Variants in SNX29 observed in about 807,000 individuals in gnomAD.
The protein encoded by SNX29 is sorting nexin-29.
In SNX29, 78 loss-of-function variants were observed where a neutral mutation model predicts 102.1. That is an observed-to-expected ratio of 0.76 (90% CI 0.64 to 0.92). SNX29 has a LOEUF of 0.92. Among genes scored for constraint, SNX29 ranks in the 40% least tolerant of loss-of-function variants. The pLI is 0.00. For synonymous variants in SNX29, 580 were observed against 414.5 expected, an observed-to-expected ratio of 1.40 and a Z score of -4.85; for missense variants, 1,280 against 1,061.7, an observed-to-expected ratio of 1.21 and a Z score of -2.86.
At chr16:12,100,727 A>G (rs2052975705) in intron 11 of SNX29, among the ~76,000 whole-genome samples, 1 of 71,198 alleles carries the variant, frequency 1.4e-5, no homozygotes, top group Non-Finnish European at 2.6e-5. Flanking sequence ...GAGGCAGAGA[A>G]GTTGGGGATG....
intron 4 of SNX29, among the ~76,000 whole-genome samples, chr16:12,037,960 C>T (rs1346593740): frequency 8.4e-5 from 12 of 142,798 alleles, no homozygotes; most frequent in African/African-American, 2.5e-4. Flanking sequence ...GTCCCCACCC[C>T]GCCCCTCAAA....
intron 17 of SNX29, among the ~76,000 whole-genome samples, chr16:12,399,254 G>A (rs143728998): frequency 2.6e-5 from 4 of 152,138 alleles, no homozygotes. Flanking sequence ...GTTTCTTCCT[G>A]TTGACCAGGC....
chr16:12,316,725 C>G (rs1332059702), intron 15 of SNX29, among the ~76,000 whole-genome samples: 2 of 152,146 alleles, frequency 1.3e-5, no homozygotes, highest in East Asian at 1.9e-4. Flanking sequence ...TCCTTCTCTC[C>G]CATCCCTCCT....
chr16:12,569,200 C>A lies in SNX29; in HGVS notation c.*571C>A. On this transcript the variant is annotated 3_prime_UTR_variant, in exon 21 of 21. Transcript: ENST00000566228. ...AGTCATTAGACACCTGGCACTGTCACAGCTCACTTTTCCAGAGGGATATTC... is the reference window on the plus strand; with the variant it reads ...AGTCATTAGACACCTGGCACTGTCAAAGCTCACTTTTCCAGAGGGATATTC... 4.6e-6 allele frequency: 1 copy of A among 218,068 alleles called. No individual in the cohort carries two copies. Among genetic ancestry groups the A allele is most frequent in the Middle Eastern group, 1.4e-3 (1 of 706 alleles). 13.5% of individuals were successfully genotyped at this position (218,068 alleles called of 1,614,324 possible).
intron 13 of SNX29, among the ~76,000 whole-genome samples, chr16:12,189,635 T>C (rs2076594106): frequency 1.3e-5 from 2 of 152,196 alleles, no homozygotes; most frequent in African/African-American, 4.8e-5. Flanking sequence ...CCCTTTACAA[T>C]TAATACATAT....
chr16:12,560,412 T>A (rs942587834), intron 20 of SNX29, among the ~76,000 whole-genome samples: 2 of 152,188 alleles, frequency 1.3e-5, no homozygotes, highest in Non-Finnish European at 2.9e-5. Context: ...AAAGCCACAG[T>A]GTCTGTCCTG....
At chr16:12,035,460 C>T (rs2057449044) in intron 4 of SNX29, among the ~76,000 whole-genome samples, 1 of 152,128 alleles carries the variant, frequency 6.6e-6, no homozygotes, top group Non-Finnish European at 1.5e-5. Flanking sequence ...AGCCCTGGTT[C>T]TGGAAGGCAC....
chr16:12,041,348 A>G (rs2049873068), intron 4 of SNX29, among the ~76,000 whole-genome samples: 1 of 152,120 alleles, frequency 6.6e-6, no homozygotes. Flanking sequence ...CTGACCTCAG[A>G]TGATCCGCTC....
chr16:12,453,782 CT>C (rs1252570870), intron 18 of SNX29, among the ~76,000 whole-genome samples: 1 of 152,102 alleles, frequency 6.6e-6, no homozygotes, highest in Non-Finnish European at 1.5e-5. Context: ...TGTCATTTAT[CT>C]TTTCAGCTGT....
At position 12,039,122 on chromosome 16, in the gene SNX29, A is replaced by C. The variant is rs3971414; in HGVS notation, c.248-3775A>C. ...GCTTGATCCACAAATACTTATGCAC[A>C]CTCATACAGATGTATACATTTAGAT... is the stretch of plus-strand genomic sequence containing the variant. On this transcript the variant is annotated intron_variant, in intron 4 of 20. Transcript: ENST00000566228. Among the ~76,000 whole-genome samples the C allele has an allele frequency of 2.0e-5, 3 of 149,344 alleles. No individual in the cohort carries two copies. In the East Asian group the frequency reaches 5.8e-4, roughly 29 times the overall value.
At chr16:12,482,694 A>T (rs76536715) in intron 19 of SNX29, among the ~76,000 whole-genome samples, 1,674 of 152,334 alleles carry the variant, frequency 0.011, 31 homozygotes, top group African/African-American at 0.038. Context: ...ACATTATTCA[A>T]GGAAATAGCA....
At chr16:12,359,369 T>A (rs954096622) in intron 16 of SNX29, among the ~76,000 whole-genome samples, 1 of 152,212 alleles carries the variant, frequency 6.6e-6, no homozygotes, top group African/African-American at 2.4e-5. Flanking sequence ...TGGGTTTAAC[T>A]TGCATTTCCC....
chr16:12,425,077 A>G lies in SNX29; in HGVS notation c.2037+21548A>G, dbSNP rs968528317. Among the ~76,000 whole-genome samples, 12 of 152,392 alleles carry G rather than the reference A, an allele frequency of 7.9e-5. No individual in the cohort carries two copies. In the Middle Eastern group the frequency reaches 0.01, roughly 130 times the overall value. On this transcript the variant is annotated intron_variant, in intron 18 of 20. Coordinates refer to ENST00000566228, the MANE Select transcript of SNX29 (RefSeq NM_032167.5). ...CAATGTTGAGTGAAAGAAACTAGGT[A>G]CAAAAAGATACAAACAAAACACACC...
intron 8 of SNX29, among the ~76,000 whole-genome samples, chr16:12,054,671 T>C (rs748541622): frequency 1.4e-4 from 22 of 152,352 alleles, no homozygotes; most frequent in South Asian, 1.2e-3. Flanking sequence ...GGTCTTCAGC[T>C]TGTGGACTGC....
Position 12,555,004 on chromosome 16 carries a change from A to G in SNX29, c.2319-13502A>G, listed in dbSNP as rs184925372. ...CAGCCGGAGCACCTTTCTTTCTTGC[A>G]GAGGCAGGCAGGAGTGTGCCTGCCT... On this transcript the variant is annotated intron_variant, in intron 20 of 20. Transcript: ENST00000566228. Among the ~76,000 whole-genome samples the G allele has an allele frequency of 6.6e-4, 100 of 152,012 alleles. 3 individuals carry two copies. The highest frequency in any genetic ancestry group is 2.0e-3 in the African/African-American group (83 of 41,354).
intron 5 of SNX29, among the ~76,000 whole-genome samples, chr16:12,045,571 A>G (rs2050052412): frequency 2.0e-5 from 3 of 151,102 alleles, no homozygotes; most frequent in African/African-American, 7.3e-5. Context: ...TTTTCCAAGG[A>G]TAATGTGGGC....
chr16:12,572,693 C>G lies in SNX29; in HGVS notation c.*4064C>G. 9.4e-7 allele frequency: 1 copy of G among 1,063,866 alleles called. No homozygotes were observed. The highest frequency in any genetic ancestry group is 1.1e-6 in the Non-Finnish European group (1 of 878,378). The allele number at this position is 1,063,866 out of a possible 1,614,324, so 65.9% of individuals were successfully genotyped here. A position where few individuals can be genotyped will look rare whatever the true frequency, so the allele number is the denominator to read the frequency against. On this transcript the variant is annotated 3_prime_UTR_variant, in exon 21 of 21. Transcript: ENST00000566228. Reference sequence around the variant, plus strand: ...ACCCACACGGGGGAAGCCCTGCACTCCAGCAGCATCTTCCAGCCTTGGCAC... The same window carrying G: ...ACCCACACGGGGGAAGCCCTGCACTGCAGCAGCATCTTCCAGCCTTGGCAC...
intron 15 of SNX29, among the ~76,000 whole-genome samples, chr16:12,290,469 G>T (rs2079756460): frequency 6.6e-6 from 1 of 152,278 alleles, no homozygotes; most frequent in East Asian, 1.9e-4. Flanking sequence ...TGTCCTGCAC[G>T]TCCTTTGTGT....
intron 14 of SNX29, among the ~76,000 whole-genome samples, chr16:12,271,324 G>A (rs539068218): frequency 6.6e-6 from 1 of 152,218 alleles, no homozygotes; most frequent in South Asian, 2.1e-4. Flanking sequence ...GGCTCATGGG[G>A]GCTGTTGGCT....
Sources: allele counts gnomAD v4.1 joint callset (sites outside exome capture counted in the v4.1 genomes callset), GRCh38; gene constraint gnomAD v4.1.1; transcripts MANE v1.5; gene names NCBI Gene and HGNC (gene_info 2026-07-23, HGNC 2026-07-21).